TMEM63B: variants seen among roughly 807,000 people sequenced by gnomAD.
TMEM63B encodes mechanosensitive cation channel TMEM63B.
TMEM63B carries 23 observed loss-of-function variants against 102.6 expected under a neutral mutation model. That is an observed-to-expected ratio of 0.22 (90% confidence interval 0.16 to 0.32). The LOEUF (loss-of-function observed/expected upper bound fraction) is 0.32, where lower values mean the gene tolerates loss of function less well. Among genes scored for constraint, TMEM63B ranks in the 10% least tolerant of loss-of-function variants. The probability of loss-of-function intolerance (pLI) is 1.00; values close to 1 mark genes in which losing one functional copy is unlikely to be tolerated. For synonymous variants in TMEM63B, 444 were observed against 437.0 expected (o/e 1.02, Z -0.20); for missense variants, 628 against 1,095.9 (o/e 0.57, Z 6.03).
Position 44,154,144 on chromosome 6 carries a change from G to T in TMEM63B, c.2182G>T (p.Val728Phe). The T allele has an allele frequency of 3.7e-6, 6 of 1,614,122 alleles. No individual in the cohort carries two copies. The highest frequency in any genetic ancestry group is 5.1e-6 in the Non-Finnish European group (6 of 1,180,000). The change falls in exon 22 of 24, where the codon GTC becomes TTC. Residue 728 changes from valine (V) to phenylalanine (F), a missense_variant. This residue lies in a region of TMEM63B where 129 missense variants were observed against 153.5 expected (regional missense o/e 0.84). Coordinates refer to ENST00000323267, the MANE Select transcript of TMEM63B (RefSeq NM_018426.3). ...VITIVICLCH[V>F]CFGHFKYLSA... Reference sequence around the variant, plus strand: ...CACCATCGTCATCTGTCTCTGCCACGTCTGCTTTGGACACTTCAAATACCT... The same window carrying T: ...CACCATCGTCATCTGTCTCTGCCACTTCTGCTTTGGACACTTCAAATACCT...
Position 44,153,100 on chromosome 6 carries a change from G to A in TMEM63B, c.1942+402G>A, listed in dbSNP as rs917153166. ...AGGAAAGACTTGGATTCCAGGGTGG[G>A]ATGGGTCCTTGCCACTCATGGAGAT... On this transcript the variant is annotated intron_variant, in intron 20 of 23. Transcript: ENST00000323267. 9.2e-5 allele frequency among the ~76,000 whole-genome samples: 14 copies of A among 152,328 alleles called. 1 individual carries two copies. In the South Asian group the frequency reaches 2.9e-3, roughly 32 times the overall value.
intron 1 of TMEM63B, 38 bp from the exon 2 acceptor site, chr6:44,134,523 G>T: frequency 1.3e-6 from 2 of 1,584,290 alleles, no homozygotes; most frequent in Non-Finnish European, 8.6e-7. Flanking sequence ...TGAAGGGGAT[G>T]GGGGCAAGCC....
rs1294554353 is a variant in TMEM63B at position 44,135,105 on chromosome 6, C to A, written c.239+9C>A. ...GTGACAGATGCAGACAGGTAAGGGT[C>A]TGGGACCCTCCCTCTAGCTCTCCAC... On this transcript the variant is annotated intron_variant, in intron 3 of 23. Coordinates refer to ENST00000323267, the MANE Select transcript of TMEM63B (RefSeq NM_018426.3). 6.2e-7 allele frequency: 1 copy of A among 1,614,156 alleles called. No homozygotes were observed. Among genetic ancestry groups the A allele is most frequent in the Non-Finnish European group, 8.5e-7 (1 of 1,179,948 alleles).
intron 15 of TMEM63B, 109 bp downstream of exon 15, chr6:44,149,054 C>A (rs1766011575): frequency 1.4e-5 from 21 of 1,546,652 alleles, no homozygotes; most frequent in Non-Finnish European, 1.7e-5. Context: ...TTGTTCCAAC[C>A]CCGTGCCACC....
chr6:44,147,293 G>A, intron 11 of TMEM63B, 84 bp from the exon 12 acceptor site: 6 of 1,601,824 alleles, frequency 3.7e-6, no homozygotes, highest in Non-Finnish European at 5.1e-6. Flanking sequence ...GACAGCTCCT[G>A]TCCTTGGGGA....
rs1225673877 is a variant in TMEM63B, at chr6:44,148,093, A to C, written c.988-159A>C. Among the ~76,000 whole-genome samples the C allele has an allele frequency of 1.3e-5, 2 of 152,142 alleles. No homozygotes were observed. The highest frequency in any genetic ancestry group is 2.9e-5 in the Non-Finnish European group (2 of 68,012). The stretch of plus-strand genomic sequence containing the variant: ...AGCTGAGATTCCACCACTACACTCC[A>C]GCCTGGGCATCAGAGCGAGACGCTG... On this transcript the variant is annotated intron_variant, in intron 12 of 23. Coordinates refer to ENST00000323267, the MANE Select transcript of TMEM63B (RefSeq NM_018426.3). The surrounding 1 kb of genome is among the most constrained non-coding windows in gnomAD (Gnocchi z 5.1).
rs1420173163 is a variant in TMEM63B at position 44,150,353 on chromosome 6, G to A, written c.1607+43G>A. The stretch of plus-strand genomic sequence containing the variant: ...GGGCAGGAGCCAGGGTAGGGGGACA[G>A]CAGGATAGGGAGAGGAGAGCAGTTC... On this transcript the variant is annotated intron_variant, in intron 17 of 23. Transcript: ENST00000323267. This position sits in a 1 kb window ranked among gnomAD's most constrained non-coding sequence, Gnocchi z 4.7. 6.3e-7 allele frequency: 1 copy of A among 1,582,878 alleles called. No homozygotes were observed. Among genetic ancestry groups the A allele is most frequent in the South Asian group, 1.1e-5 (1 of 90,454 alleles).
chr6:44,151,965 T>C lies in TMEM63B; in HGVS notation c.1793T>C (p.Leu598Pro). 6.2e-7 allele frequency: 1 copy of C among 1,612,310 alleles called. No individual in the cohort carries two copies. The highest frequency in any genetic ancestry group is 8.5e-7 in the Non-Finnish European group (1 of 1,179,054). Reference sequence around the variant, plus strand: ...GGCCTGCTCATGTACATGATCCGGCTCTGCCTGGCGCGCTCGGCCGCCGAG... The same window carrying C: ...GGCCTGCTCATGTACATGATCCGGCCCTGCCTGGCGCGCTCGGCCGCCGAG... ...IPGLLMYMIR[L>P]CLARSAAERR... The change falls in exon 19 of 24, where the codon CTC becomes CCC. Residue 598 changes from leucine to proline, a missense_variant. Physicochemically the swap from Leu to Pro is moderately conservative, Grantham distance 98 (BLOSUM62 -3). This residue lies in a region of TMEM63B where 90 missense variants were observed against 136.7 expected (regional missense o/e 0.66). Coordinates refer to ENST00000323267, the MANE Select transcript of TMEM63B (RefSeq NM_018426.3).
At position 44,131,894 on chromosome 6, in the gene TMEM63B, A is replaced by G. The variant is rs116442182; in HGVS notation, c.-24-2667A>G. On this transcript the variant is annotated intron_variant, in intron 1 of 23. Transcript: ENST00000323267. ...AATATCAGACTAGAGAAACTGGGAT[A>G]TAGCTGGTGCAGGCACCTCGTGGAG... 6.2e-3 allele frequency among the ~76,000 whole-genome samples: 937 copies of G among 152,354 alleles called. 9 individuals carry two copies. Among genetic ancestry groups the G allele is most frequent in the Non-Finnish European group, 0.01 (694 of 68,034 alleles).
At position 44,151,833 on chromosome 6, in the gene TMEM63B, C is replaced by G; in HGVS notation, c.1674-13C>G. On this transcript the variant is annotated splice_polypyrimidine_tract_variant and intron_variant, in intron 18 of 23. Coordinates refer to ENST00000323267, the MANE Select transcript of TMEM63B (RefSeq NM_018426.3). ...CCCCAAGGGTGCAGTGCTGGAGCAC[C>G]TGGTGCCCGCAGGTGTGTGTTCCTG... 2 of 1,599,914 alleles carry G rather than the reference C, an allele frequency of 1.3e-6. No homozygotes were observed. The highest frequency in any genetic ancestry group is 1.7e-6 in the Non-Finnish European group (2 of 1,173,032).
Position 44,140,974 on chromosome 6 carries a change from C to T in TMEM63B, c.712-54C>T, listed in dbSNP as rs1264671681. On this transcript the variant is annotated intron_variant, in intron 9 of 23. Transcript: ENST00000323267. Reference sequence around the variant, plus strand: ...TAGTGCCCCCCACCCCTCACATCCCCTGGCTCCACTGGGGTCAAGCCTCAG... The same window carrying T: ...TAGTGCCCCCCACCCCTCACATCCCTTGGCTCCACTGGGGTCAAGCCTCAG... 110 of 1,547,002 alleles carry T rather than the reference C, an allele frequency of 7.1e-5. 2 individuals carry two copies. The South Asian group carries it at 1.0e-3, about 14-fold the overall frequency.
At chr6:44,138,779 G>C in intron 6 of TMEM63B, 1 of 403,998 alleles carries the variant, frequency 2.5e-6, no homozygotes, top group Non-Finnish European at 4.6e-6. Flanking sequence ...TTGAGGGAGG[G>C]GGTGGAGCCC....
chr6:44,141,238 G>A (rs900718680), intron 10 of TMEM63B, 140 bp downstream of exon 10: 15 of 873,652 alleles, frequency 1.7e-5, no homozygotes, highest in Middle Eastern at 2.2e-4. Context: ...AGAAATGTCC[G>A]ATTCCAGGGT....
Position 44,149,843 on chromosome 6 carries a change from C to G in TMEM63B, c.1414-16C>G. ...CTAGACTGCCCTGCCTGACGCCCCC[C>G]TGTGCCCTGCTGCAGAACCCCATCA... On this transcript the variant is annotated splice_polypyrimidine_tract_variant and intron_variant, in intron 15 of 23. Transcript: ENST00000323267. 6.3e-7 allele frequency: 1 copy of G among 1,599,774 alleles called. No individual in the cohort carries two copies. Among genetic ancestry groups the G allele is most frequent in the Non-Finnish European group, 8.5e-7 (1 of 1,172,968 alleles).
At chr6:44,145,689 A>G (rs545063372) in intron 10 of TMEM63B, among the ~76,000 whole-genome samples, 1 of 152,264 alleles carries the variant, frequency 6.6e-6, no homozygotes, top group South Asian at 2.1e-4. Context: ...TAATGCCCAC[A>G]CTTTGGGAAG....
Position 44,148,531 on chromosome 6 carries a change from C to T in TMEM63B, c.1140C>T (p.Asn380=). The part of the protein sequence containing the change: ...TITAIILKDF[N]VCKCQGCTCR... ...TTTCTAGCATCCTGAAGGACTTCAACGTGTGTAAATGCCAGGGCTGCACCT... is the reference window on the plus strand; with the variant it reads ...TTTCTAGCATCCTGAAGGACTTCAATGTGTGTAAATGCCAGGGCTGCACCT... Residue 380 remains asparagine (N), a synonymous_variant, in exon 14 of 24, where the codon AAC becomes AAT. Transcript: ENST00000323267. The surrounding 1 kb of genome is among the most constrained non-coding windows in gnomAD (Gnocchi z 5.1). The T allele has an allele frequency of 3.7e-6, 6 of 1,614,122 alleles. No homozygotes were observed. The highest frequency in any genetic ancestry group is 1.7e-5 in the Admixed American group (1 of 60,026).
At position 44,139,497 on chromosome 6, in the gene TMEM63B, C is replaced by T. The variant is rs199984650; in HGVS notation, c.438C>T (p.Gly146=). Residue 146 remains glycine (G), a synonymous_variant, in exon 7 of 24, where the codon GGC becomes GGT. Coordinates refer to ENST00000323267, the MANE Select transcript of TMEM63B (RefSeq NM_018426.3). ...ATGAGATCCGGGACAAATGTGGGGG[C>T]GATGCCGTGCACTACCTGTCCTTTC... ...KDDEIRDKCG[G]DAVHYLSFQR... 6.7e-5 allele frequency: 108 copies of T among 1,614,056 alleles called. No individual in the cohort carries two copies. Among genetic ancestry groups the T allele is most frequent in the Non-Finnish European group, 7.7e-5 (91 of 1,180,040 alleles).
intron 23 of TMEM63B, 60 bp downstream of exon 23, chr6:44,154,505 T>C: frequency 6.3e-7 from 1 of 1,598,848 alleles, no homozygotes; most frequent in African/African-American, 1.3e-5. Flanking sequence ...AGCCCAGTGT[T>C]CCCTTAGTCC....
In TMEM63B at chr6:44,154,054, C is replaced by T. The variant is rs748144299; in HGVS notation, c.2111-19C>T. Reference sequence around the variant, plus strand: ...GCCCACAGGAGATAGCAACCCCATTCTTTGCCCCCCAACACCAGGGTTCCT... The same window carrying T: ...GCCCACAGGAGATAGCAACCCCATTTTTTGCCCCCCAACACCAGGGTTCCT... On this transcript the variant is annotated intron_variant, in intron 21 of 23. Transcript: ENST00000323267. 2 of 1,610,822 alleles carry T rather than the reference C, an allele frequency of 1.2e-6. No homozygotes were observed. The highest frequency in any genetic ancestry group is 2.2e-5 in the South Asian group (2 of 91,036).
Sources: gnomAD v4.1 joint callset for allele counts (sites outside exome capture counted in the v4.1 genomes callset) on GRCh38, gnomAD v4.1.1 for gene constraint, gnomAD v4.1.1 regional missense constraint, Gnocchi (gnomAD v3.1) non-coding constraint, MANE v1.5 for transcripts, NCBI Gene and HGNC (gene_info 2026-07-23, HGNC 2026-07-21) for gene names.